ZNF532: variants seen among roughly 807,000 people sequenced by gnomAD.
ZNF532 encodes the protein zinc finger protein 532.
In ZNF532, 22 loss-of-function variants were observed where a neutral mutation model predicts 89.3. The ratio of observed to expected loss-of-function variants is 0.25; its 90% confidence interval spans 0.18 to 0.35. The LOEUF is 0.35. ZNF532 is among the 10% of genes least tolerant of loss of function. ZNF532 has a pLI of 1.00. For synonymous variants in ZNF532, 606 were observed against 649.6 expected, an observed-to-expected ratio of 0.93 and a Z score of 1.02; for missense variants, 1,132 against 1,643.4, an observed-to-expected ratio of 0.69 and a Z score of 5.38.
chr18:58,896,646 T>G (rs967985315), intron 2 of ZNF532: 2 of 152,342 alleles, frequency 1.3e-5, no homozygotes, highest in Non-Finnish European at 2.9e-5. Context: ...GCTTTTTTAT[T>G]CCTCTCCCTC....
chr18:58,918,932 T>C lies in ZNF532; in HGVS notation c.645T>C (p.Tyr215=). 2 of 1,613,990 alleles carry C rather than the reference T, an allele frequency of 1.2e-6. No individual in the cohort carries two copies. The highest frequency in any genetic ancestry group is 8.5e-7 in the Non-Finnish European group (1 of 1,180,038). Residue 215 remains tyrosine (Y), a synonymous_variant, in exon 3 of 10, where the codon TAT becomes TAC. Coordinates refer to ENST00000591808, the MANE Select transcript of ZNF532 (RefSeq NM_001375912.1). Reference sequence around the variant, plus strand: ...CCAGTTCTATAAACCTGAGTGTTTATGAACCTTTTAAAGTCAGAAAAGCAG... The same window carrying C: ...CCAGTTCTATAAACCTGAGTGTTTACGAACCTTTTAAAGTCAGAAAAGCAG... ...TEASSINLSV[Y]EPFKVRKAED... is the part of the protein sequence containing the mutation.
intron 2 of ZNF532, among the ~76,000 whole-genome samples, chr18:58,915,346 C>G (rs958425730): frequency 6.6e-6 from 1 of 152,192 alleles, no homozygotes; most frequent in African/African-American, 2.4e-5. Context: ...ACCATCAGTT[C>G]ACTCTGACCT....
Position 58,866,328 on chromosome 18 carries a change from T to TGGAGA in ZNF532, c.-18+761_-18+765dup, listed in dbSNP as rs903229480. 4.6e-5 allele frequency among the ~76,000 whole-genome samples: 7 copies of TGGAGA among 152,230 alleles called. No homozygotes were observed. In the East Asian group the frequency reaches 7.7e-4, roughly 17 times the overall value. ...TAATGCACCTTCCAAAACCAGAGGTTGGAGAGGAGAGGAGAGAAGGAAGGA... is the reference window on the plus strand; with the variant it reads ...TAATGCACCTTCCAAAACCAGAGGTTGGAGAGGAGAGGAGAGGAGAGAAGGAAGGA... On this transcript the variant is annotated intron_variant, in intron 2 of 9. Transcript: ENST00000591808.
intron 7 of ZNF532, among the ~76,000 whole-genome samples, chr18:58,962,672 G>A (rs1254568162): frequency 1.3e-5 from 2 of 150,968 alleles, no homozygotes; most frequent in East Asian, 3.9e-4. Context: ...ACGCCATCTC[G>A]ACTCACTGCA....
chr18:58,877,060 G>A (rs1039847359), intron 2 of ZNF532, among the ~76,000 whole-genome samples: 1 of 150,804 alleles, frequency 6.6e-6, no homozygotes, highest in Non-Finnish European at 1.5e-5. Context: ...ACCTTGTCTC[G>A]AGAAAAAAAA....
chr18:58,877,336 C>A (rs2057514948), intron 2 of ZNF532, among the ~76,000 whole-genome samples: 1 of 152,150 alleles, frequency 6.6e-6, no homozygotes, highest in Non-Finnish European at 1.5e-5. Flanking sequence ...GGGAAGGTTG[C>A]CTTGGGGCCT....
intron 7 of ZNF532, among the ~76,000 whole-genome samples, chr18:58,956,160 T>G (rs572632710): frequency 7.4e-4 from 113 of 152,384 alleles, no homozygotes; most frequent in African/African-American, 2.6e-3. Context: ...AATGTACCAC[T>G]GATTGAAAGC....
intron 2 of ZNF532, among the ~76,000 whole-genome samples, chr18:58,885,816 C>T (rs7239726): frequency 4.0e-5 from 6 of 150,342 alleles, no homozygotes; most frequent in Non-Finnish European, 5.9e-5. Context: ...ATCGCATCAT[C>T]GTACTCCAGC....
intron 2 of ZNF532, among the ~76,000 whole-genome samples, chr18:58,866,501 A>G (rs955270104): frequency 5.3e-5 from 8 of 152,238 alleles, no homozygotes; most frequent in African/African-American, 1.9e-4. Context: ...TGTGATCTCA[A>G]CAACAGATAG....
intron 2 of ZNF532, among the ~76,000 whole-genome samples, chr18:58,897,954 C>G (rs1768757392): frequency 1.3e-5 from 2 of 151,930 alleles, no homozygotes; most frequent in South Asian, 4.2e-4. Flanking sequence ...GACTCTGTCT[C>G]AAAAATAAAT....
intron 5 of ZNF532, among the ~76,000 whole-genome samples, chr18:58,940,704 A>G (rs2062910508): frequency 6.6e-6 from 1 of 152,208 alleles, no homozygotes; most frequent in South Asian, 2.1e-4. Context: ...CTCTGTCAGC[A>G]TTAGTTCCTT....
chr18:58,883,959 G>T (rs1195722132), intron 2 of ZNF532, among the ~76,000 whole-genome samples: 2 of 152,188 alleles, frequency 1.3e-5, no homozygotes, highest in African/African-American at 4.8e-5. Flanking sequence ...AGTCAGCCTC[G>T]TGGACCTGTG....
At chr18:58,953,495 T>C (rs758735704) in intron 6 of ZNF532, 23 bp from the exon 7 acceptor site, 11 of 1,586,394 alleles carry the variant, frequency 6.9e-6, no homozygotes, top group Non-Finnish European at 8.6e-6. Flanking sequence ...GTGATAGATA[T>C]TTCTTTTCTT....
At chr18:58,878,107 T>C (rs2144821782) in intron 2 of ZNF532, among the ~76,000 whole-genome samples, 1 of 152,022 alleles carries the variant, frequency 6.6e-6, no homozygotes, top group South Asian at 2.1e-4. Context: ...TGACAAAAAG[T>C]AGCTAGGTGT....
At position 58,919,927 on chromosome 18, in the gene ZNF532, C is replaced by A; in HGVS notation, c.1640C>A (p.Pro547His). The stretch of plus-strand genomic sequence containing the variant: ...GAACTCCGCCAAGTGCTAACCAAAC[C>A]TCAGCAACAAATAAAGCAGGCAATA... Reference protein sequence around the residue: ...TSELRQVLTKPQQQIKQAIIN... With the variant: ...TSELRQVLTKHQQQIKQAIIN... The change falls in exon 3 of 10, where the codon CCT becomes CAT. Residue 547 changes from proline to histidine, a missense_variant. Physicochemically the swap from Pro to His is moderately conservative, Grantham distance 77 (BLOSUM62 -2). This residue lies in a region of ZNF532 where 97 missense variants were observed against 143.7 expected (regional missense o/e 0.68). Transcript: ENST00000591808. This position sits in a 1 kb window ranked among gnomAD's most constrained non-coding sequence, Gnocchi z 6.1. 1 of 1,613,988 alleles carries A rather than the reference C, an allele frequency of 6.2e-7. No individual in the cohort carries two copies. The highest frequency in any genetic ancestry group is 8.5e-7 in the Non-Finnish European group (1 of 1,179,868).
At chr18:58,926,777 C>T (rs2061562367) in intron 3 of ZNF532, among the ~76,000 whole-genome samples, 1 of 151,988 alleles carries the variant, frequency 6.6e-6, no homozygotes, top group South Asian at 2.1e-4. Context: ...TTTGTGTATC[C>T]TTTGACTCTG....
chr18:58,910,712 T>A (rs2060226294), intron 2 of ZNF532, among the ~76,000 whole-genome samples: 1 of 152,022 alleles, frequency 6.6e-6, no homozygotes, highest in Non-Finnish European at 1.5e-5. Context: ...TGGTCTCAAG[T>A]GATCCACCCG....
chr18:58,887,115 C>CA (rs1236084385), intron 2 of ZNF532, among the ~76,000 whole-genome samples: 1 of 152,252 alleles, frequency 6.6e-6, no homozygotes, highest in African/African-American at 2.4e-5. Flanking sequence ...GGAACACAGG[C>CA]AGATGATGGA....
At chr18:58,929,127 C>T (rs565905335) in intron 3 of ZNF532, among the ~76,000 whole-genome samples, 1 of 152,278 alleles carries the variant, frequency 6.6e-6, no homozygotes, top group East Asian at 1.9e-4. Context: ...GGACTCAAGG[C>T]AAAATTTCTG....
Sources: gnomAD v4.1 joint callset for allele counts (sites outside exome capture counted in the v4.1 genomes callset) on GRCh38, gnomAD v4.1.1 for gene constraint, gnomAD v4.1.1 regional missense constraint, Gnocchi (gnomAD v3.1) non-coding constraint, MANE v1.5 for transcripts, NCBI Gene and HGNC (gene_info 2026-07-23, HGNC 2026-07-21) for gene names.